The following BRINP3 variants were observed in gnomAD, a reference collection of about 807,000 sequenced individuals.
The protein encoded by BRINP3 is BMP/retinoic acid inducible neural specific 3, also known as BMP/retinoic acid-inducible neural-specific protein 3.
A neutral mutation model predicts 71.0 loss-of-function variants in BRINP3; 19 were observed. That is an observed-to-expected ratio of 0.27 (90% CI 0.19 to 0.39). BRINP3 has a LOEUF of 0.39. BRINP3 is among the 10% of genes least tolerant of loss of function. BRINP3 has a pLI of 1.00. For missense variants in BRINP3, 959 were observed against 940.8 expected (o/e 1.02, Z -0.25); for synonymous variants, 380 against 337.7 (o/e 1.13, Z -1.37).
intron 2 of BRINP3, among the ~76,000 whole-genome samples, chr1:190,394,878 T>C (rs545295764): frequency 6.6e-6 from 1 of 151,718 alleles, no homozygotes; most frequent in East Asian, 1.9e-4. Context: ...CCATTTGCCC[T>C]CTGGAAAGGG....
intron 2 of BRINP3, among the ~76,000 whole-genome samples, chr1:190,442,346 G>A (rs1353134435): frequency 1.3e-5 from 2 of 152,168 alleles, no homozygotes; most frequent in African/African-American, 2.4e-5. Flanking sequence ...GCAAAACAGA[G>A]ATTTTGCTAA....
intron 1 of BRINP3, among the ~76,000 whole-genome samples, chr1:190,456,680 CT>C (rs1281097739): frequency 4.0e-5 from 6 of 151,892 alleles, no homozygotes; most frequent in Non-Finnish European, 7.4e-5. Context: ...AATCCTGTGA[CT>C]AAAAAATATT....
chr1:190,137,115 T>C (rs770897752), intron 7 of BRINP3, among the ~76,000 whole-genome samples: 4 of 152,042 alleles, frequency 2.6e-5, no homozygotes, highest in Non-Finnish European at 4.4e-5. Flanking sequence ...AGAACCATGA[T>C]TTGAACATGA....
intron 2 of BRINP3, among the ~76,000 whole-genome samples, chr1:190,326,200 A>C (rs148887254): frequency 2.6e-4 from 40 of 152,164 alleles, no homozygotes; most frequent in Non-Finnish European, 5.9e-5. Context: ...CTTGGAAGTC[A>C]GGTCTTTTGA....
chr1:190,356,115 T>C (rs1229565501), intron 2 of BRINP3, among the ~76,000 whole-genome samples: 2 of 151,964 alleles, frequency 1.3e-5, no homozygotes, highest in Non-Finnish European at 2.9e-5. Context: ...CAAACAAAAA[T>C]GTATTCTACT....
chr1:190,362,494 C>G (rs1387262484), intron 2 of BRINP3, among the ~76,000 whole-genome samples: 2 of 152,188 alleles, frequency 1.3e-5, no homozygotes, highest in Non-Finnish European at 2.9e-5. Flanking sequence ...GCAAAAGCAT[C>G]ACTATTCACA....
intron 1 of BRINP3, among the ~76,000 whole-genome samples, chr1:190,470,544 TA>T (rs901177911): frequency 4.6e-4 from 69 of 151,094 alleles, no homozygotes; most frequent in African/African-American, 1.4e-3. Flanking sequence ...CAAATACTTA[TA>T]AAAAAATAGT....
At chr1:190,325,394 C>G (rs1666512990) in intron 2 of BRINP3, among the ~76,000 whole-genome samples, 1 of 151,844 alleles carries the variant, frequency 6.6e-6, no homozygotes. Flanking sequence ...AAGTTAAAAC[C>G]ATATTTAGCA....
At chr1:190,297,779 CGTGTGT>C (rs58341057) in intron 2 of BRINP3, among the ~76,000 whole-genome samples, 3 of 146,628 alleles carry the variant, frequency 2.0e-5, no homozygotes, top group African/African-American at 5.0e-5. Context: ...TCTGTTTTCT[CGTGTGT>C]GTGTGTGTGT....
chr1:190,471,883 G>T (rs1197815066), intron 1 of BRINP3, among the ~76,000 whole-genome samples: 2 of 151,268 alleles, frequency 1.3e-5, no homozygotes, highest in African/African-American at 4.8e-5. Context: ...TATGCCTCAG[G>T]AAGTGTATTA....
At chr1:190,111,289 CAA>C (rs2102282573) in intron 7 of BRINP3, among the ~76,000 whole-genome samples, 2 of 148,826 alleles carry the variant, frequency 1.3e-5, no homozygotes, top group South Asian at 4.2e-4. Flanking sequence ...ACAGTTTACT[CAA>C]AATATTTCTT....
At chr1:190,254,036 T>C (rs907221334) in intron 4 of BRINP3, among the ~76,000 whole-genome samples, 4 of 152,206 alleles carry the variant, frequency 2.6e-5, no homozygotes, top group Non-Finnish European at 5.9e-5. Flanking sequence ...CCTTTCCCCA[T>C]TTCTTGTTTT....
At chr1:190,150,232 C>T (rs1037227138) in intron 7 of BRINP3, among the ~76,000 whole-genome samples, 1 of 151,236 alleles carries the variant, frequency 6.6e-6, no homozygotes, top group Non-Finnish European at 1.5e-5. Context: ...TGTGCATATG[C>T]CATTTTAATG....
intron 2 of BRINP3, chr1:190,342,291 C>T (rs938625003): frequency 6.8e-6 from 1 of 148,082 alleles, no homozygotes; most frequent in African/African-American, 2.5e-5. Flanking sequence ...AGTAACCTAG[C>T]ATATTCACAT....
At chr1:190,174,927 A>G (rs1652369258) in intron 6 of BRINP3, among the ~76,000 whole-genome samples, 1 of 152,122 alleles carries the variant, frequency 6.6e-6, no homozygotes, top group South Asian at 2.1e-4. Context: ...GAGGAATCAT[A>G]TTTATCCTAT....
chr1:190,339,004 CAAAA>C (rs1348161391), intron 2 of BRINP3, among the ~76,000 whole-genome samples: 5 of 124,528 alleles, frequency 4.0e-5, no homozygotes, highest in African/African-American at 1.6e-4. Context: ...ATTGCAAATG[CAAAA>C]TAAATAAATA....
At chr1:190,449,532 C>T (rs1168958873) in intron 2 of BRINP3, among the ~76,000 whole-genome samples, 1 of 151,910 alleles carries the variant, frequency 6.6e-6, no homozygotes, top group Non-Finnish European at 1.5e-5. Flanking sequence ...TCATGTAATG[C>T]AAGTCCAAAG....
At chr1:190,145,929 A>G (rs1052320481) in intron 7 of BRINP3, among the ~76,000 whole-genome samples, 2 of 152,224 alleles carry the variant, frequency 1.3e-5, no homozygotes, top group Non-Finnish European at 2.9e-5. Context: ...CGAGGCCATT[A>G]TTCTAAGTGA....
intron 2 of BRINP3, among the ~76,000 whole-genome samples, chr1:190,419,142 A>T (rs1025343799): frequency 8.5e-5 from 13 of 152,254 alleles, no homozygotes; most frequent in African/African-American, 2.9e-4. Flanking sequence ...TTCCAATATT[A>T]GAAAATTCTG....
Sources: allele counts gnomAD v4.1 joint callset (sites outside exome capture counted in the v4.1 genomes callset), GRCh38; gene constraint gnomAD v4.1.1; transcripts MANE v1.5; gene names NCBI Gene and HGNC (gene_info 2026-07-23, HGNC 2026-07-21).